RPS6KC1: variants seen among roughly 807,000 people sequenced by gnomAD.
The protein encoded by RPS6KC1 is ribosomal protein S6 kinase C1.
Under a neutral mutation model 103.8 loss-of-function variants are expected in RPS6KC1, and 54 were observed. The observed-to-expected ratio is 0.52, with a 90% CI of 0.42 to 0.65. The LOEUF (loss-of-function observed/expected upper bound fraction) is 0.65. Ranked by LOEUF, RPS6KC1 falls within the 30% of genes least tolerant of loss-of-function variation. The pLI is 0.00. For synonymous variants in RPS6KC1, 439 were observed against 438.7 expected, an observed-to-expected ratio of 1.00 and a Z score of -0.01; for missense variants, 1,151 against 1,253.8, an observed-to-expected ratio of 0.92 and a Z score of 1.24.
At chr1:213,602,108 CTTTCTTTCTTTCTCTT>C in the RPS6KC1 span, among the ~76,000 whole-genome samples, 15 of 35,128 alleles carry the variant, frequency 4.3e-4, no homozygotes, top group African/African-American at 1.6e-3. Context: ...TTCTTTCTTT[CTTTCTTTCTTTCTCTT>C]TCTTTCTTTC....
rs1283879503 is a variant in RPS6KC1 at position 213,274,245 on chromosome 1, A to G, written c.*1611A>G. ...TTCAACTCACTAGTCCCCTGGCCTC[A>G]TAACAGGAACTTATGCAGGTGAGAC... On this transcript the variant is annotated 3_prime_UTR_variant, in exon 15 of 15. Coordinates refer to ENST00000366960, the MANE Select transcript of RPS6KC1 (RefSeq NM_012424.6). 1 of 152,196 alleles carries G rather than the reference A, an allele frequency of 6.6e-6. No homozygotes were observed. Among genetic ancestry groups the G allele is most frequent in the African/African-American group, 2.4e-5 (1 of 41,454 alleles). The allele number at this position is 152,196 out of a possible 1,614,324, so 9.4% of individuals were successfully genotyped here. A position where few individuals can be genotyped will look rare whatever the true frequency, so the allele number is the denominator to read the frequency against.
the RPS6KC1 span, among the ~76,000 whole-genome samples, chr1:213,802,245 AAC>A: frequency 1.3e-5 from 2 of 152,212 alleles, no homozygotes; most frequent in Admixed American, 6.5e-5. Flanking sequence ...GGGTCAAGGA[AAC>A]ACACTCAACT....
At chr1:213,453,502 A>G in the RPS6KC1 span, among the ~76,000 whole-genome samples, 2 of 151,932 alleles carry the variant, frequency 1.3e-5, no homozygotes, top group African/African-American at 4.8e-5. Flanking sequence ...TGTTCAGGAG[A>G]TTTGGAGGGA....
chr1:213,184,350 A>C (rs908281026), intron 8 of RPS6KC1, among the ~76,000 whole-genome samples: 1 of 152,104 alleles, frequency 6.6e-6, no homozygotes, highest in African/African-American at 2.4e-5. Context: ...ATATTAGAAA[A>C]TAGCAACAAA....
At chr1:213,843,810 C>G in the RPS6KC1 span, among the ~76,000 whole-genome samples, 1 of 151,994 alleles carries the variant, frequency 6.6e-6, no homozygotes, top group Non-Finnish European at 1.5e-5. Context: ...TTCCTTTTTC[C>G]TTTCTTTTCT....
At chr1:213,731,182 T>C in the RPS6KC1 span, among the ~76,000 whole-genome samples, 1 of 152,230 alleles carries the variant, frequency 6.6e-6, no homozygotes, top group Admixed American at 6.5e-5. Context: ...TCAGGTAGCA[T>C]GATGCTTCCA....
the RPS6KC1 span, among the ~76,000 whole-genome samples, chr1:213,395,980 C>A: frequency 6.6e-6 from 1 of 152,080 alleles, no homozygotes; most frequent in Non-Finnish European, 1.5e-5. Context: ...TGAAAGGATT[C>A]GGGATTCGAT....
At chr1:213,137,908 C>T (rs970828266) in intron 6 of RPS6KC1, among the ~76,000 whole-genome samples, 2 of 143,078 alleles carry the variant, frequency 1.4e-5, no homozygotes, top group African/African-American at 5.1e-5. Context: ...ATAGGGGGCC[C>T]TGGGAGTGCT....
the RPS6KC1 span, among the ~76,000 whole-genome samples, chr1:213,351,890 A>G: frequency 6.6e-6 from 1 of 152,192 alleles, no homozygotes; most frequent in African/African-American, 2.4e-5. Flanking sequence ...AACCAAATGT[A>G]TATACAGGTA....
chr1:213,706,125 A>T, the RPS6KC1 span, among the ~76,000 whole-genome samples: 1 of 152,098 alleles, frequency 6.6e-6, no homozygotes. Flanking sequence ...CCCCCAGTCC[A>T]CTAACTCTGG....
At chr1:213,825,951 C>T in the RPS6KC1 span, among the ~76,000 whole-genome samples, 5 of 152,194 alleles carry the variant, frequency 3.3e-5, no homozygotes, top group East Asian at 1.9e-4. Context: ...ATGTGTACTT[C>T]GGGAAGGGGC....
At chr1:213,176,751 A>G (rs1403843444) in intron 8 of RPS6KC1, 3 of 270,944 alleles carry the variant, frequency 1.1e-5, no homozygotes, top group African/African-American at 2.1e-5. Flanking sequence ...TTGGTTTTAT[A>G]GAAGTGTTAT....
At chr1:213,128,769 A>G (rs1307884807) in intron 5 of RPS6KC1, among the ~76,000 whole-genome samples, 1 of 152,192 alleles carries the variant, frequency 6.6e-6, no homozygotes, top group Non-Finnish European at 1.5e-5. Context: ...CGCATTGTGT[A>G]GTTGTTATAT....
the RPS6KC1 span, among the ~76,000 whole-genome samples, chr1:213,438,052 ACTT>A: frequency 3.3e-5 from 5 of 151,888 alleles, no homozygotes; most frequent in East Asian, 3.9e-4. Flanking sequence ...CAGTTGAATA[ACTT>A]CTTCTGCTGT....
At chr1:213,506,339 A>G in the RPS6KC1 span, among the ~76,000 whole-genome samples, 2 of 152,230 alleles carry the variant, frequency 1.3e-5, no homozygotes, top group African/African-American at 4.8e-5. Flanking sequence ...TTTTAGGGCG[A>G]CACCCATACC....
At chr1:213,734,644 G>C in the RPS6KC1 span, among the ~76,000 whole-genome samples, 1 of 152,216 alleles carries the variant, frequency 6.6e-6, no homozygotes, top group African/African-American at 2.4e-5. Context: ...AAATATGCTT[G>C]TGTACCATAT....
chr1:213,537,506 G>A, the RPS6KC1 span, among the ~76,000 whole-genome samples: 59 of 152,258 alleles, frequency 3.9e-4, no homozygotes, highest in East Asian at 8.7e-3. Flanking sequence ...CATGTCACAG[G>A]TGTGTTATGA....
chr1:213,182,123 A>G (rs1024727570), intron 8 of RPS6KC1, among the ~76,000 whole-genome samples: 47 of 152,232 alleles, frequency 3.1e-4, no homozygotes, highest in Admixed American at 3.0e-3. Context: ...TGATGACACC[A>G]GTAGTTTGCA....
the RPS6KC1 span, among the ~76,000 whole-genome samples, chr1:213,797,512 A>T: frequency 6.6e-6 from 1 of 152,200 alleles, no homozygotes; most frequent in Non-Finnish European, 1.5e-5. Flanking sequence ...GTACACTATG[A>T]AATACTACTG....
Sources: allele counts gnomAD v4.1 joint callset (sites outside exome capture counted in the v4.1 genomes callset), GRCh38; gene constraint gnomAD v4.1.1; transcripts MANE v1.5; gene names NCBI Gene and HGNC (gene_info 2026-07-23, HGNC 2026-07-21).